The following PAM variants were observed in gnomAD, a reference collection of about 807,000 sequenced individuals.
PAM encodes peptidylglycine alpha-amidating monooxygenase, also known as peptidyl-glycine alpha-amidating monooxygenase.
In PAM, 72 loss-of-function variants were observed where a neutral mutation model predicts 122.1. The ratio of observed to expected loss-of-function variants is 0.59; its 90% confidence interval spans 0.49 to 0.72. The LOEUF is 0.72. PAM is among the 30% of genes least tolerant of loss of function. The pLI, the probability that PAM is intolerant of heterozygous loss-of-function variation, is 0.00. For missense variants in PAM, 1,106 were observed against 1,183.7 expected, an observed-to-expected ratio of 0.93 and a Z score of 0.96; for synonymous variants, 389 against 404.4, an observed-to-expected ratio of 0.96 and a Z score of 0.46.
At chr5:102,806,091 GTTC>G (rs1262844688) in intron 1 of PAM, among the ~76,000 whole-genome samples, 1 of 152,170 alleles carries the variant, frequency 6.6e-6, no homozygotes, top group African/African-American at 2.4e-5. Flanking sequence ...CTGTTGGACT[GTTC>G]TTTATGATTG....
At chr5:102,949,764 A>T in intron 10 of PAM, 138 bp from the exon 11 acceptor site, 1 of 684,616 alleles carries the variant, frequency 1.5e-6, no homozygotes, top group Non-Finnish European at 2.6e-6. Context: ...CTGTTTTATC[A>T]TATTGTTTTT....
intron 5 of PAM, among the ~76,000 whole-genome samples, chr5:102,915,101 T>G (rs931632644): frequency 1.3e-5 from 2 of 152,098 alleles, no homozygotes; most frequent in Admixed American, 1.3e-4. Flanking sequence ...CTTTTTAAGC[T>G]TCTTATTTTC....
chr5:102,833,547 T>C (rs770922511), intron 1 of PAM, among the ~76,000 whole-genome samples: 2 of 152,178 alleles, frequency 1.3e-5, no homozygotes, highest in East Asian at 3.8e-4. Flanking sequence ...TCTATTTCAA[T>C]GTGGACATTG....
At chr5:102,999,417 C>T (rs1296265122) in intron 16 of PAM, among the ~76,000 whole-genome samples, 1 of 152,238 alleles carries the variant, frequency 6.6e-6, no homozygotes, top group African/African-American at 2.4e-5. Context: ...GTTGCCTTTC[C>T]AGGCACATGG....
intron 1 of PAM, among the ~76,000 whole-genome samples, chr5:102,756,552 T>A (rs112042635): frequency 1.3e-5 from 2 of 152,224 alleles, no homozygotes; most frequent in Non-Finnish European, 2.9e-5. Context: ...TTTAGTAAAA[T>A]CAGACATTTA....
At chr5:102,985,593 G>C (rs1771550836) in intron 15 of PAM, among the ~76,000 whole-genome samples, 2 of 152,000 alleles carry the variant, frequency 1.3e-5, no homozygotes, top group African/African-American at 4.8e-5. Flanking sequence ...TAATGAGATT[G>C]AATCAGTAAT....
intron 1 of PAM, among the ~76,000 whole-genome samples, chr5:102,758,068 ATTTTGTTTTTTTTTTTTTTTTTT>A (rs1751063823): frequency 4.6e-5 from 4 of 87,608 alleles, no homozygotes; most frequent in African/African-American, 1.7e-4. Context: ...AAGACTTAGA[ATTTTGTTTTTTTTTTTTTTTTTT>A]TTTTTTTTTT....
intron 1 of PAM, among the ~76,000 whole-genome samples, chr5:102,794,349 T>C (rs1195348986): frequency 6.6e-6 from 1 of 152,204 alleles, no homozygotes; most frequent in Non-Finnish European, 1.5e-5. Context: ...CTGATTCAGA[T>C]ACATTTTCCA....
intron 8 of PAM, 57 bp downstream of exon 8, chr5:102,946,942 GAGTGGGA>G (rs1757249888): frequency 1.8e-6 from 2 of 1,113,632 alleles, no homozygotes; most frequent in Admixed American, 3.5e-5. Flanking sequence ...TGCGAACTTA[GAGTGGGA>G]AGTTTACTGT....
intron 1 of PAM, among the ~76,000 whole-genome samples, chr5:102,790,739 T>C (rs1761835834): frequency 6.6e-6 from 1 of 152,094 alleles, no homozygotes; most frequent in Admixed American, 6.5e-5. Flanking sequence ...GCATCAGATA[T>C]AAGAAGTCAC....
intron 3 of PAM, among the ~76,000 whole-genome samples, chr5:102,881,043 T>A (rs955879570): frequency 1.3e-4 from 19 of 151,438 alleles, no homozygotes; most frequent in Non-Finnish European, 1.5e-4. Flanking sequence ...GAAAAATAAC[T>A]GAAATTTATA....
intron 7 of PAM, among the ~76,000 whole-genome samples, chr5:102,927,378 GT>G (rs1749940961): frequency 6.6e-6 from 1 of 152,168 alleles, no homozygotes; most frequent in Admixed American, 6.5e-5. Context: ...TCACACTCTT[GT>G]GTTCACAGGT....
chr5:102,820,853 A>G (rs1561536010), intron 1 of PAM, among the ~76,000 whole-genome samples: 2 of 152,212 alleles, frequency 1.3e-5, no homozygotes, highest in Non-Finnish European at 2.9e-5. Context: ...AAGGAATTAA[A>G]TTTAAAAACA....
At chr5:102,931,940 T>C (rs910884672) in intron 7 of PAM, among the ~76,000 whole-genome samples, 2 of 152,138 alleles carry the variant, frequency 1.3e-5, no homozygotes, top group African/African-American at 4.8e-5. Flanking sequence ...TTGCTTTCCT[T>C]AGAGTGGGTG....
chr5:102,828,733 T>A (rs577551198), intron 1 of PAM, among the ~76,000 whole-genome samples: 1 of 152,184 alleles, frequency 6.6e-6, no homozygotes, highest in African/African-American at 2.4e-5. Flanking sequence ...TGTGGGAGAT[T>A]TAGGATTAGA....
intron 7 of PAM, among the ~76,000 whole-genome samples, chr5:102,927,251 C>T (rs1026034041): frequency 1.2e-4 from 19 of 152,120 alleles, no homozygotes; most frequent in African/African-American, 4.6e-4. Flanking sequence ...TATTTAAATG[C>T]CCCTTTCCTT....
chr5:103,028,200 T>C lies in PAM; in HGVS notation c.2705T>C (p.Leu902Pro), dbSNP rs778809891. The change falls in exon 25 of 26, where the codon CTC (leucine) becomes CCC (proline). Residue 902 changes from leucine (L) to proline (P), a missense_variant. By Grantham distance (98) the Leu-to-Pro change is moderately conservative (BLOSUM62 -3). This residue lies in a region of PAM where 333 missense variants were observed against 335.6 expected (regional missense o/e 0.99). Coordinates refer to ENST00000438793, the MANE Select transcript of PAM (RefSeq NM_001177306.2). ...SRAFGDSEHK[L>P]ETSSGRVLGR... ...TTTTTAGCAGATTCTGAACACAAAC[T>C]CGAGACGAGTTCAGGAAGAGTACTG... 6.2e-7 allele frequency: 1 copy of C among 1,612,834 alleles called. No individual in the cohort carries two copies. Among genetic ancestry groups the C allele is most frequent in the South Asian group, 1.1e-5 (1 of 90,974 alleles).
At chr5:102,908,167 A>T (rs1166031697) in intron 4 of PAM, among the ~76,000 whole-genome samples, 1 of 152,040 alleles carries the variant, frequency 6.6e-6, no homozygotes, top group African/African-American at 2.4e-5. Context: ...TAAGGAAGGG[A>T]TCCATTTTCA....
Position 102,959,997 on chromosome 5 carries a change from C to T in PAM, c.1028C>T (p.Pro343Leu). The change falls in exon 13 of 26, where the codon CCA becomes CTA. Residue 343 changes from proline (P) to leucine (L), a missense_variant. Coordinates refer to ENST00000438793, the MANE Select transcript of PAM (RefSeq NM_001177306.2). Reference protein sequence around the residue: ...VAPDMFRTIPPEANIPIPVKS... With the variant: ...VAPDMFRTIPLEANIPIPVKS... ...CCAGATATGTTCAGAACCATACCAC[C>T]AGAGGCCAACATTCCAATTCCCGTG... 1 of 1,612,148 alleles carries T rather than the reference C, an allele frequency of 6.2e-7. No homozygotes were observed. The highest frequency in any genetic ancestry group is 1.3e-5 in the African/African-American group (1 of 74,946).
Sources: allele counts gnomAD v4.1 joint callset (sites outside exome capture counted in the v4.1 genomes callset), GRCh38; gene constraint gnomAD v4.1.1; regional missense constraint gnomAD v4.1.1; transcripts MANE v1.5; gene names NCBI Gene and HGNC (gene_info 2026-07-23, HGNC 2026-07-21).